The following XKR6 variants were observed in gnomAD, a reference collection of about 807,000 sequenced individuals.
The protein encoded by XKR6 is XK related 6.
A neutral mutation model predicts 56.7 loss-of-function variants in XKR6; 22 were observed. The ratio of observed to expected loss-of-function variants is 0.39; its 90% confidence interval spans 0.28 to 0.55. The LOEUF (loss-of-function observed/expected upper bound fraction) is 0.55, where lower values mean the gene tolerates loss of function less well. Among genes scored for constraint, XKR6 ranks in the 20% least tolerant of loss-of-function variants. XKR6 has a pLI of 0.66. For synonymous variants in XKR6, 524 were observed against 387.8 expected (o/e 1.35, Z -4.13); for missense variants, 852 against 889.0 (o/e 0.96, Z 0.53).
Position 10,908,014 on chromosome 8 carries a change from G to A in XKR6, c.962-9098C>T, listed in dbSNP as rs187665304. On this transcript the variant is annotated intron_variant, in intron 2 of 2. Transcript: ENST00000416569. ...AATGTTTCCCTCCGCGTGGCTTCCA[G>A]TGCCTGGTGGACCATCAAGAGTCAC... Among the ~76,000 whole-genome samples the A allele has an allele frequency of 4.0e-3, 606 of 152,356 alleles. 4 individuals carry two copies. The highest frequency in any genetic ancestry group is 6.7e-3 in the Non-Finnish European group (455 of 68,028).
intron 1 of XKR6, among the ~76,000 whole-genome samples, chr8:11,011,831 T>C (rs1352050763): frequency 6.6e-6 from 1 of 152,156 alleles, no homozygotes; most frequent in African/African-American, 2.4e-5. Context: ...GACTTGCTTC[T>C]GGGTCCACTG....
At chr8:11,033,174 AATGGTGGTGAGGATG>A (rs1217981863) in intron 1 of XKR6, among the ~76,000 whole-genome samples, 1 of 151,234 alleles carries the variant, frequency 6.6e-6, no homozygotes, top group Non-Finnish European at 1.5e-5. Context: ...TGATGATGGT[AATGGTGGTGAGGATG>A]ATGGTGATGA....
chr8:11,009,274 G>C (rs886954857), intron 1 of XKR6, among the ~76,000 whole-genome samples: 26 of 152,206 alleles, frequency 1.7e-4, no homozygotes, highest in African/African-American at 6.3e-4. Flanking sequence ...AATTTGGGAG[G>C]CCAAGGTGAG....
intron 2 of XKR6, among the ~76,000 whole-genome samples, chr8:10,918,565 G>T (rs966300985): frequency 6.6e-6 from 1 of 152,212 alleles, no homozygotes; most frequent in African/African-American, 2.4e-5. Flanking sequence ...TCCAGACTCA[G>T]CCACAGCCGT....
chr8:11,099,928 C>G (rs1798405459), intron 1 of XKR6, among the ~76,000 whole-genome samples: 1 of 152,134 alleles, frequency 6.6e-6, no homozygotes. Flanking sequence ...GGAGGAGCAT[C>G]CTAGACAAAG....
intron 1 of XKR6, among the ~76,000 whole-genome samples, chr8:10,968,489 G>A (rs1253059370): frequency 5.3e-5 from 8 of 152,176 alleles, no homozygotes; most frequent in African/African-American, 1.2e-4. Flanking sequence ...AGACAGTGTC[G>A]TGGGCTCCTC....
chr8:11,110,631 C>T (rs1250982512), intron 1 of XKR6, among the ~76,000 whole-genome samples: 1 of 152,044 alleles, frequency 6.6e-6, no homozygotes, highest in Admixed American at 6.6e-5. Context: ...ATTACTTGAC[C>T]ATCATATGTA....
chr8:11,159,615 C>T (rs1801694611), intron 1 of XKR6, among the ~76,000 whole-genome samples: 1 of 152,192 alleles, frequency 6.6e-6, no homozygotes, highest in Admixed American at 6.5e-5. Flanking sequence ...CCAATCCAAA[C>T]TAGAGCAGAA....
chr8:11,098,908 G>GAA (rs200577805), intron 1 of XKR6, among the ~76,000 whole-genome samples: 2 of 150,164 alleles, frequency 1.3e-5, no homozygotes, highest in Admixed American at 6.6e-5. Flanking sequence ...TTCCCCCATG[G>GAA]AAAAAAAAAT....
At chr8:11,098,236 C>T (rs1243321300) in intron 1 of XKR6, among the ~76,000 whole-genome samples, 1 of 151,998 alleles carries the variant, frequency 6.6e-6, no homozygotes, top group African/African-American at 2.4e-5. Flanking sequence ...CACTCACACA[C>T]GCACAACACA....
intron 1 of XKR6, among the ~76,000 whole-genome samples, chr8:10,990,593 T>C (rs1032469093): frequency 3.9e-5 from 6 of 152,148 alleles, no homozygotes; most frequent in African/African-American, 1.4e-4. Flanking sequence ...GTTGTTGTTG[T>C]TGTTGCTGTT....
intron 1 of XKR6, among the ~76,000 whole-genome samples, chr8:10,994,361 T>A (rs1295264691): frequency 1.3e-5 from 2 of 152,236 alleles, no homozygotes; most frequent in Admixed American, 6.5e-5. Flanking sequence ...CTCAGCTGCA[T>A]CCTCTGGATG....
Position 11,201,060 on chromosome 8 carries a change from G to T in XKR6, c.280C>A (p.Pro94Thr). 1 of 1,283,182 alleles carries T rather than the reference G, an allele frequency of 7.8e-7. No individual in the cohort carries two copies. The allele number at this position is 1,283,182 out of a possible 1,614,324, so 79.5% of individuals were successfully genotyped here. Residue 94 changes from proline to threonine, a missense_variant, in exon 1 of 3, where the codon CCG becomes ACG. Physicochemically the swap from Pro to Thr is conservative, Grantham distance 38. Around this residue, in one of 4 missense-constraint regions of XKR6, gnomAD observed 417 missense variants for 355.2 expected, o/e 1.17. Transcript: ENST00000416569. The stretch of plus-strand genomic sequence containing the variant: ...CCGGGGGCCGCGGGAGGCTGCAGCG[G>T]CTGGTCCCCCCCGTCGGCGGCGGCG... ...RSAAADGGDQ[P>T]LQPPAAPGAG...
intron 1 of XKR6, among the ~76,000 whole-genome samples, chr8:11,162,964 T>C (rs923057321): frequency 6.6e-6 from 1 of 152,208 alleles, no homozygotes; most frequent in Non-Finnish European, 1.5e-5. Flanking sequence ...TTTTGGACCA[T>C]GAGCCTGCAA....
intron 1 of XKR6, among the ~76,000 whole-genome samples, chr8:11,179,626 C>A (rs1464897954): frequency 1.3e-5 from 2 of 152,174 alleles, no homozygotes; most frequent in Non-Finnish European, 2.9e-5. Context: ...TCAGGGGACT[C>A]CTCCACCTTC....
intron 1 of XKR6, among the ~76,000 whole-genome samples, chr8:10,958,879 C>T (rs1228724710): frequency 6.6e-6 from 1 of 152,256 alleles, no homozygotes; most frequent in Non-Finnish European, 1.5e-5. Flanking sequence ...CATTATCCAG[C>T]TCTGAGGGAG....
At chr8:11,045,318 C>T (rs1799383151) in intron 1 of XKR6, among the ~76,000 whole-genome samples, 1 of 151,756 alleles carries the variant, frequency 6.6e-6, no homozygotes, top group Admixed American at 6.6e-5. Flanking sequence ...GAACTCCTAA[C>T]CTCAAGTGAT....
intron 1 of XKR6, among the ~76,000 whole-genome samples, chr8:10,946,531 C>G (rs754084828): frequency 1.3e-5 from 2 of 151,968 alleles, no homozygotes; most frequent in Non-Finnish European, 2.9e-5. Context: ...CCCCTCCCAC[C>G]CCTGGGGGTG....
chr8:11,077,067 TC>T (rs1319193543), intron 1 of XKR6, among the ~76,000 whole-genome samples: 1 of 151,998 alleles, frequency 6.6e-6, no homozygotes, highest in Non-Finnish European at 1.5e-5. Flanking sequence ...CCCAAGCTAC[TC>T]AAGAGGCTGA....
Sources: allele counts gnomAD v4.1 joint callset (sites outside exome capture counted in the v4.1 genomes callset), GRCh38; gene constraint gnomAD v4.1.1; regional missense constraint gnomAD v4.1.1; transcripts MANE v1.5; gene names NCBI Gene and HGNC (gene_info 2026-07-23, HGNC 2026-07-21).